Variants in CERS6 observed in about 807,000 individuals in gnomAD.
CERS6 encodes the protein LAG1 homolog, ceramide synthase 6.
In CERS6, 26 loss-of-function variants were observed where a neutral mutation model predicts 56.8. The ratio of observed to expected loss-of-function variants is 0.46; its 90% CI spans 0.34 to 0.63. The LOEUF (loss-of-function observed/expected upper bound fraction) is 0.63. Among genes scored for constraint, CERS6 ranks in the 30% least tolerant of loss-of-function variants. The pLI, the probability that CERS6 is intolerant of heterozygous loss-of-function variation, is 0.01. For synonymous variants in CERS6, 164 were observed against 173.3 expected, an observed-to-expected ratio of 0.95 and a Z score of 0.42; for missense variants, 415 against 467.5, an observed-to-expected ratio of 0.89 and a Z score of 1.04.
intron 1 of CERS6, among the ~76,000 whole-genome samples, chr2:168,519,472 C>A (rs1694940610): frequency 6.6e-6 from 1 of 152,090 alleles, no homozygotes; most frequent in Non-Finnish European, 1.5e-5. Flanking sequence ...ATCTGTCACC[C>A]AAGTAATGAA....
intron 8 of CERS6, among the ~76,000 whole-genome samples, chr2:168,718,558 T>C (rs1231434262): frequency 6.6e-6 from 1 of 152,258 alleles, no homozygotes; most frequent in Admixed American, 6.5e-5. Context: ...TATACCTTTC[T>C]AACCAAATAG....
chr2:168,536,436 A>C (rs1695265376), intron 1 of CERS6, among the ~76,000 whole-genome samples: 1 of 152,136 alleles, frequency 6.6e-6, no homozygotes, highest in Non-Finnish European at 1.5e-5. Context: ...ATTTATTTTA[A>C]ATAAGTAGAT....
chr2:168,652,386 T>C (rs1392521601), intron 4 of CERS6, among the ~76,000 whole-genome samples: 1 of 152,154 alleles, frequency 6.6e-6, no homozygotes, highest in Non-Finnish European at 1.5e-5. Context: ...AGCTAAATGT[T>C]AGTTCAGTTA....
chr2:168,517,618 A>C (rs956145643), intron 1 of CERS6, among the ~76,000 whole-genome samples: 13 of 152,086 alleles, frequency 8.5e-5, no homozygotes, highest in African/African-American at 2.7e-4. Flanking sequence ...AGGGCTATTG[A>C]AGCCTTTAAT....
intron 3 of CERS6, among the ~76,000 whole-genome samples, chr2:168,609,974 G>GTTTTTTT (rs5836191): frequency 2.0e-4 from 19 of 93,816 alleles, no homozygotes; most frequent in South Asian, 3.9e-4. Context: ...AGATGTGACT[G>GTTTTTTT]TTTTTTTTTT....
At chr2:168,657,352 G>A (rs1467213541) in intron 4 of CERS6, among the ~76,000 whole-genome samples, 2 of 152,270 alleles carry the variant, frequency 1.3e-5, no homozygotes, top group Non-Finnish European at 2.9e-5. Flanking sequence ...GTCCCCACCA[G>A]ACTCAGGAGC....
At chr2:168,676,881 C>T (rs72879835) in intron 4 of CERS6, among the ~76,000 whole-genome samples, 8,680 of 152,106 alleles carry the variant, frequency 0.057, 364 homozygotes, top group Middle Eastern at 0.082. Context: ...CTTTTTCCTT[C>T]TAATCGCGAC....
At chr2:168,468,887 A>G (rs1693929244) in intron 1 of CERS6, among the ~76,000 whole-genome samples, 1 of 54,656 alleles carries the variant, frequency 1.8e-5, no homozygotes. Flanking sequence ...TCCACTTCAC[A>G]CTCATGTAAT....
chr2:168,475,457 A>T (rs970486445), intron 1 of CERS6, among the ~76,000 whole-genome samples: 5 of 152,056 alleles, frequency 3.3e-5, no homozygotes, highest in Non-Finnish European at 5.9e-5. Context: ...ATATCGTGGG[A>T]TTTATTTTTT....
At chr2:168,712,593 C>A (rs1359324818) in intron 6 of CERS6, among the ~76,000 whole-genome samples, 1 of 152,096 alleles carries the variant, frequency 6.6e-6, no homozygotes, top group Non-Finnish European at 1.5e-5. Flanking sequence ...TAAATAGTAG[C>A]GTGATTACTT....
At chr2:168,690,967 G>C in intron 4 of CERS6, 67 bp from the exon 5 acceptor site, 1 of 1,434,302 alleles carries the variant, frequency 7.0e-7, no homozygotes, top group Non-Finnish European at 9.8e-7. Context: ...AGAGCCTATT[G>C]TAAACCTTTT....
chr2:168,625,140 T>C (rs1194664877), intron 3 of CERS6, among the ~76,000 whole-genome samples: 2 of 152,168 alleles, frequency 1.3e-5, no homozygotes, highest in Non-Finnish European at 2.9e-5. Flanking sequence ...ATTTAGATGA[T>C]GGAAAAGCTG....
chr2:168,571,957 G>A (rs1695996087), intron 3 of CERS6, among the ~76,000 whole-genome samples: 1 of 152,182 alleles, frequency 6.6e-6, no homozygotes, highest in African/African-American at 2.4e-5. Context: ...CAGTGGACAA[G>A]GGAGGCTGTT....
chr2:168,745,846 C>T (rs1684083247), intron 8 of CERS6, among the ~76,000 whole-genome samples: 7 of 152,170 alleles, frequency 4.6e-5, no homozygotes, highest in Admixed American at 4.6e-4. Flanking sequence ...CTTTCTCTTC[C>T]TACCTTCAAC....
intron 4 of CERS6, among the ~76,000 whole-genome samples, chr2:168,657,708 C>T (rs1382166834): frequency 2.0e-5 from 3 of 152,236 alleles, no homozygotes; most frequent in African/African-American, 7.2e-5. Context: ...TGCCCGGGGC[C>T]AGCAGGGCAG....
intron 4 of CERS6, among the ~76,000 whole-genome samples, chr2:168,689,515 T>C (rs1686443922): frequency 6.6e-6 from 1 of 152,204 alleles, no homozygotes; most frequent in African/African-American, 2.4e-5. Context: ...TGGACACATA[T>C]TGCTGACTGA....
chr2:168,677,279 C>T (rs972623725), intron 4 of CERS6, among the ~76,000 whole-genome samples: 2 of 151,906 alleles, frequency 1.3e-5, no homozygotes, highest in African/African-American at 4.8e-5. Flanking sequence ...GTTTGGTTTT[C>T]TGTTCCTGTG....
intron 4 of CERS6, among the ~76,000 whole-genome samples, chr2:168,669,467 T>G (rs1422916584): frequency 6.6e-6 from 1 of 152,156 alleles, no homozygotes; most frequent in African/African-American, 2.4e-5. Context: ...TTCAACTTAA[T>G]GTTGGGGTTC....
rs182634534 is a variant in CERS6 at position 168,512,888 on chromosome 2, G to A, written c.171-34708G>A. Among the ~76,000 whole-genome samples the A allele has an allele frequency of 2.8e-3, 427 of 152,118 alleles. 3 individuals carry two copies. The highest frequency in any genetic ancestry group is 9.6e-3 in the African/African-American group (397 of 41,506). ...TCACCATGTTGGCCAGGCTGGTCTC[G>A]AACTGCTGACCTCATGATCCTCCCA... is the stretch of plus-strand genomic sequence containing the variant. On this transcript the variant is annotated intron_variant, in intron 1 of 9. Coordinates refer to ENST00000305747, the MANE Select transcript of CERS6 (RefSeq NM_203463.3).
Sources: allele counts gnomAD v4.1 joint callset (sites outside exome capture counted in the v4.1 genomes callset), GRCh38; gene constraint gnomAD v4.1.1; transcripts MANE v1.5; gene names NCBI Gene and HGNC (gene_info 2026-07-23, HGNC 2026-07-21).